COL28A1: variants seen among roughly 807,000 people sequenced by gnomAD.
COL28A1 encodes the protein collagen alpha-1(XXVIII) chain.
In COL28A1, 161 loss-of-function variants were observed where a neutral mutation model predicts 150.2. The ratio of observed to expected loss-of-function variants is 1.07; its 90% CI spans 0.94 to 1.22. The LOEUF is 1.22. Ranked by LOEUF, COL28A1 falls within the 50% of genes most tolerant of loss-of-function variation. The pLI is 0.00. For synonymous variants in COL28A1, 552 were observed against 469.7 expected (o/e 1.18, Z -2.26); for missense variants, 1,617 against 1,388.3 (o/e 1.16, Z -2.62).
intron 32 of COL28A1, among the ~76,000 whole-genome samples, chr7:7,372,429 AT>A (rs1781282999): frequency 6.6e-6 from 1 of 151,306 alleles, no homozygotes; most frequent in African/African-American, 2.4e-5. Flanking sequence ...AAATAAATAA[AT>A]AAATAAATAA....
chr7:7,397,966 G>A (rs1182431107), intron 27 of COL28A1, among the ~76,000 whole-genome samples: 2 of 152,192 alleles, frequency 1.3e-5, no homozygotes, highest in Non-Finnish European at 2.9e-5. Flanking sequence ...TTGCCTCAGA[G>A]TGTTCATTTC....
At chr7:7,503,835 C>T (rs1427572578) in intron 11 of COL28A1, among the ~76,000 whole-genome samples, 1 of 152,130 alleles carries the variant, frequency 6.6e-6, no homozygotes, top group African/African-American at 2.4e-5. Context: ...GGAACTCATG[C>T]CCACTTCATA....
intron 27 of COL28A1, among the ~76,000 whole-genome samples, chr7:7,384,726 A>C (rs1325704222): frequency 6.6e-6 from 1 of 152,180 alleles, no homozygotes; most frequent in Non-Finnish European, 1.5e-5. Flanking sequence ...ATCTTTTCCC[A>C]CCAGGAAACT....
chr7:7,531,380 G>A lies in COL28A1; in HGVS notation c.649C>T (p.Pro217Ser). ...TCTTGAATTTTATCTACAAGGGTTG[G>A]ATCACTCAACAGTAAAGTGGGTTCA... Reference protein sequence around the residue: ...SSEPTLLLSDPTLVDKIQDRL... With the variant: ...SSEPTLLLSDSTLVDKIQDRL... Residue 217 changes from proline to serine, a missense_variant, in exon 3 of 35, where the codon CCA (proline) becomes TCA (serine). Transcript: ENST00000399429. 6.3e-7 allele frequency: 1 copy of A among 1,575,462 alleles called. No individual in the cohort carries two copies. Among genetic ancestry groups the A allele is most frequent in the Middle Eastern group, 1.7e-4 (1 of 5,910 alleles).
chr7:7,370,175 G>C (rs1276451409), intron 33 of COL28A1, among the ~76,000 whole-genome samples: 1 of 152,206 alleles, frequency 6.6e-6, no homozygotes, highest in Non-Finnish European at 1.5e-5. Context: ...CTCTGAAACA[G>C]AGCATCTACT....
intron 27 of COL28A1, among the ~76,000 whole-genome samples, chr7:7,406,883 A>G (rs1783520979): frequency 6.6e-6 from 1 of 152,138 alleles, no homozygotes; most frequent in Non-Finnish European, 1.5e-5. Context: ...AATCTTTAAA[A>G]AATATTATAG....
intron 27 of COL28A1, 129 bp from the exon 28 acceptor site, chr7:7,381,741 A>ATATATATGTAT (rs1198324132): frequency 3.5e-6 from 2 of 574,916 alleles, no homozygotes; most frequent in Admixed American, 6.4e-5. Context: ...GGAAATATAT[A>ATATATATGTAT]TATATATGTA....
At chr7:7,426,421 C>T (rs146195431) in intron 25 of COL28A1, among the ~76,000 whole-genome samples, 127 of 152,218 alleles carry the variant, frequency 8.3e-4, no homozygotes, top group Middle Eastern at 3.4e-3. Context: ...GTTTTAGAGG[C>T]TTTTTTCTAA....
At chr7:7,516,329 G>A (rs1041442039) in intron 7 of COL28A1, among the ~76,000 whole-genome samples, 13 of 152,084 alleles carry the variant, frequency 8.5e-5, no homozygotes, top group African/African-American at 2.9e-4. Context: ...TTACAAATTC[G>A]GTCTAAGATA....
At chr7:7,479,045 TGAG>T (rs1382713672) in intron 13 of COL28A1, among the ~76,000 whole-genome samples, 1 of 152,188 alleles carries the variant, frequency 6.6e-6, no homozygotes, top group Non-Finnish European at 1.5e-5. Context: ...GCACCGAGGC[TGAG>T]GAGGCGCCAA....
chr7:7,375,638 G>A (rs963578513), intron 30 of COL28A1, 141 bp from the exon 31 acceptor site: 10 of 475,136 alleles, frequency 2.1e-5, no homozygotes, highest in African/African-American at 1.6e-4. Context: ...AAACAACACA[G>A]AAGTCAAAAG....
chr7:7,480,185 T>G (rs1217886853), intron 13 of COL28A1, among the ~76,000 whole-genome samples: 1 of 152,228 alleles, frequency 6.6e-6, no homozygotes, highest in Admixed American at 6.5e-5. Flanking sequence ...ATCATAGTTA[T>G]AGATTCATAA....
intron 13 of COL28A1, among the ~76,000 whole-genome samples, chr7:7,479,709 T>C (rs1249369139): frequency 1.3e-5 from 2 of 152,198 alleles, no homozygotes; most frequent in East Asian, 3.8e-4. Context: ...ATGTAACTAT[T>C]GCTCAAAAAG....
rs117399635 is a variant in COL28A1, at chr7:7,459,782, G to A, written c.1303-3670C>T. ...CTGACCTGACCCTGGCAAGTAGGCCGTGGTGTCAAACATGAACAATTTGAC... is the reference window on the plus strand; with the variant it reads ...CTGACCTGACCCTGGCAAGTAGGCCATGGTGTCAAACATGAACAATTTGAC... On this transcript the variant is annotated intron_variant, in intron 15 of 34. Coordinates refer to ENST00000399429, the MANE Select transcript of COL28A1 (RefSeq NM_001037763.3). 1.4e-4 allele frequency among the ~76,000 whole-genome samples: 21 copies of A among 152,344 alleles called. No individual in the cohort carries two copies. In the East Asian group the frequency reaches 3.1e-3, roughly 22 times the overall value.
chr7:7,518,245 A>T (rs187112912), intron 6 of COL28A1, among the ~76,000 whole-genome samples: 23 of 152,290 alleles, frequency 1.5e-4, no homozygotes, highest in African/African-American at 5.5e-4. Flanking sequence ...AAAATATATT[A>T]TGTGGCACAA....
chr7:7,371,852 A>G (rs991794940), intron 32 of COL28A1, among the ~76,000 whole-genome samples: 1 of 151,978 alleles, frequency 6.6e-6, no homozygotes, highest in East Asian at 2.0e-4. Context: ...TTATTTTTTG[A>G]GACAGAGTCT....
intron 27 of COL28A1, among the ~76,000 whole-genome samples, chr7:7,399,737 TG>T (rs1314349814): frequency 6.6e-6 from 1 of 152,256 alleles, no homozygotes; most frequent in African/African-American, 2.4e-5. Context: ...TCTCTGGGCC[TG>T]GAATCTGGAG....
At chr7:7,440,612 C>A in intron 21 of COL28A1, among the ~76,000 whole-genome samples, 178 bp downstream of exon 21, 1 of 152,166 alleles carries the variant, frequency 6.6e-6, no homozygotes, top group East Asian at 1.9e-4. Flanking sequence ...CAATCTATTC[C>A]ATTCTATTGT....
intron 11 of COL28A1, among the ~76,000 whole-genome samples, chr7:7,498,342 A>G (rs1401630045): frequency 6.6e-6 from 1 of 152,208 alleles, no homozygotes; most frequent in Non-Finnish European, 1.5e-5. Flanking sequence ...AGTTGCTGGT[A>G]AAAATTCAGG....
Sources: gnomAD v4.1 joint callset for allele counts (sites outside exome capture counted in the v4.1 genomes callset) on GRCh38, gnomAD v4.1.1 for gene constraint, MANE v1.5 for transcripts, NCBI Gene and HGNC (gene_info 2026-07-23, HGNC 2026-07-21) for gene names.